DPCD: variants seen among roughly 807,000 people sequenced by gnomAD.
DPCD encodes the protein deleted in primary ciliary dyskinesia homolog (mouse), also known as protein DPCD.
In DPCD, 20 loss-of-function variants were observed where a neutral mutation model predicts 26.4. The ratio of observed to expected loss-of-function variants is 0.76; its 90% CI spans 0.53 to 1.10. The LOEUF (loss-of-function observed/expected upper bound fraction) is 1.10, where lower values mean the gene tolerates loss of function less well. Among genes scored for constraint, DPCD ranks in the 50% least tolerant of loss-of-function variants. The probability of loss-of-function intolerance (pLI) is 0.00; values close to 1 mark genes in which losing one functional copy is unlikely to be tolerated. For synonymous variants in DPCD, 97 were observed against 94.2 expected (o/e 1.03, Z -0.17); for missense variants, 202 against 253.9 (o/e 0.80, Z 1.39).
intron 4 of DPCD, among the ~76,000 whole-genome samples, chr10:101,607,485 G>A (rs1475121532): frequency 6.6e-6 from 1 of 152,210 alleles, no homozygotes; most frequent in African/African-American, 2.4e-5. Context: ...TTCTTTTCCT[G>A]CCATGGGTCC....
At position 101,598,739 on chromosome 10, in the gene DPCD, C is replaced by T. The variant is rs113989710; in HGVS notation, c.146-1999C>T. On this transcript the variant is annotated intron_variant, in intron 2 of 5. Transcript: ENST00000370151. ...TCCCAGGTTCAAGCGATTCTCCTGC[C>T]TCAGCCTCCCCAGTAGCTGGGACTA... Among the ~76,000 whole-genome samples, 180 of 151,700 alleles carry T rather than the reference C, an allele frequency of 1.2e-3. 1 individual carries two copies. The highest frequency in any genetic ancestry group is 4.3e-3 in the African/African-American group (178 of 41,372).
Position 101,600,158 on chromosome 10 carries a change from C to T in DPCD, c.146-580C>T, listed in dbSNP as rs957984763. Among the ~76,000 whole-genome samples the T allele has an allele frequency of 2.0e-5, 3 of 152,054 alleles. No individual in the cohort carries two copies. Among genetic ancestry groups the T allele is most frequent in the East Asian group, 1.9e-4 (1 of 5,200 alleles). On this transcript the variant is annotated intron_variant, in intron 2 of 5. Transcript: ENST00000370151. The surrounding 1 kb of genome is among the most constrained non-coding windows in gnomAD (Gnocchi z 4.7). ...GCATTTAAAATATGGCATGTGCCTA[C>T]GATTTTGTTTAAATGCAGCTTTGGA...
chr10:101,601,383 G>GTAGGGTGGGGTT (rs750621306), intron 4 of DPCD, 47 bp downstream of exon 4: 9 of 1,600,780 alleles, frequency 5.6e-6, no homozygotes, highest in South Asian at 1.1e-5. Flanking sequence ...TGAGCGGGGT[G>GTAGGGTGGGGTT]TAGGGTGGGG....
rs2063754932 is a variant in DPCD, at chr10:101,609,136, T to C, written c.507+199T>C. The C allele has an allele frequency of 6.2e-6, 4 of 641,302 alleles. No homozygotes were observed. In the Admixed American group the frequency reaches 8.5e-5, roughly 14 times the overall value. 39.7% of individuals were successfully genotyped at this position (641,302 alleles called of 1,614,324 possible). A position where few individuals can be genotyped will look rare whatever the true frequency, so the allele number is the denominator to read the frequency against. On this transcript the variant is annotated intron_variant, in intron 5 of 5. Transcript: ENST00000370151. ...GGAGCCTGACCATATAATTCACAGC[T>C]AGAAGAGGGTAGAGGGTGAAAGGGA...
intron 4 of DPCD, among the ~76,000 whole-genome samples, chr10:101,604,383 G>A (rs2063719687): frequency 1.3e-5 from 2 of 152,136 alleles, no homozygotes; most frequent in South Asian, 4.2e-4. Context: ...TCACCTGGAG[G>A]TTCCATAACC....
intron 4 of DPCD, among the ~76,000 whole-genome samples, chr10:101,604,628 AG>A (rs2134778573): frequency 6.6e-6 from 1 of 152,364 alleles, no homozygotes; most frequent in South Asian, 2.1e-4. Context: ...GTGCAGAAAG[AG>A]GGCTCCTAGC....
intron 4 of DPCD, among the ~76,000 whole-genome samples, chr10:101,601,993 T>A (rs2063701946): frequency 6.6e-6 from 1 of 152,124 alleles, no homozygotes; most frequent in African/African-American, 2.4e-5. Flanking sequence ...TGCATTTCCA[T>A]TTTGGAAATG....
Position 101,600,901 on chromosome 10 carries a change from TG to T in DPCD, c.270+44del. Reference sequence around the variant, plus strand: ...TCCAGGTGTCTTGCACGGACTGAGGTGGGGGTGGGCTGTGGGCTGCTGGCTC... The same window carrying T: ...TCCAGGTGTCTTGCACGGACTGAGGTGGGGTGGGCTGTGGGCTGCTGGCTC... On this transcript the variant is annotated intron_variant, in intron 3 of 5. Transcript: ENST00000370151. This position sits in a 1 kb window ranked among gnomAD's most constrained non-coding sequence, Gnocchi z 4.7. 6.2e-7 allele frequency: 1 copy of T among 1,611,788 alleles called. No individual in the cohort carries two copies. The highest frequency in any genetic ancestry group is 8.5e-7 in the Non-Finnish European group (1 of 1,179,130).
Position 101,609,574 on chromosome 10 carries a change from G to C in DPCD, c.*103G>C. On this transcript the variant is annotated 3_prime_UTR_variant, in exon 6 of 6. Coordinates refer to ENST00000370151, the MANE Select transcript of DPCD (RefSeq NM_015448.3). ...CCTCCTGTCTTCTAGGAGCTATCAAGGGTCTCTAAGAACTGGGCATGGGGC... is the reference window on the plus strand; with the variant it reads ...CCTCCTGTCTTCTAGGAGCTATCAACGGTCTCTAAGAACTGGGCATGGGGC... 2 of 994,060 alleles carry C rather than the reference G, an allele frequency of 2.0e-6. No individual in the cohort carries two copies. The highest frequency in any genetic ancestry group is 2.6e-5 in the East Asian group (1 of 39,192). The allele number at this position is 994,060 out of a possible 1,614,324, so 61.6% of individuals were successfully genotyped here.
At chr10:101,605,937 T>C (rs1291499251) in intron 4 of DPCD, among the ~76,000 whole-genome samples, 1 of 152,204 alleles carries the variant, frequency 6.6e-6, no homozygotes, top group African/African-American at 2.4e-5. Context: ...AAGTGGATAA[T>C]AGAAGTAACC....
intron 4 of DPCD, among the ~76,000 whole-genome samples, chr10:101,608,311 G>A (rs2063746926): frequency 6.6e-6 from 1 of 152,220 alleles, no homozygotes; most frequent in Non-Finnish European, 1.5e-5. Flanking sequence ...TACAAGGCCA[G>A]GCTAACAAGG....
At chr10:101,595,784 T>G (rs1003704662) in intron 2 of DPCD, among the ~76,000 whole-genome samples, 6 of 152,224 alleles carry the variant, frequency 3.9e-5, no homozygotes, top group African/African-American at 1.4e-4. Context: ...AAAATCTTGA[T>G]GTGTTTAGCA....
intron 1 of DPCD, 125 bp from the exon 2 acceptor site, chr10:101,594,533 G>A: frequency 1.2e-6 from 1 of 817,802 alleles, no homozygotes; most frequent in South Asian, 1.5e-5. Flanking sequence ...AGGAGTTTGG[G>A]GAGGTCCTGG....
intron 1 of DPCD, among the ~76,000 whole-genome samples, chr10:101,591,965 C>T (rs752477171): frequency 3.9e-5 from 6 of 152,080 alleles, no homozygotes; most frequent in South Asian, 2.1e-4. Flanking sequence ...AGATTACAGG[C>T]GTGAGCCGCC....
intron 4 of DPCD, 92 bp from the exon 5 acceptor site, chr10:101,608,743 G>A: frequency 1.2e-6 from 1 of 800,716 alleles, no homozygotes. Flanking sequence ...AGGTGTGGAA[G>A]AACTAGGTAG....
At position 101,594,653 on chromosome 10, in the gene DPCD, C is replaced by T; in HGVS notation, c.65-5C>T. The T allele has an allele frequency of 1.2e-6, 2 of 1,613,792 alleles. No individual in the cohort carries two copies. The highest frequency in any genetic ancestry group is 1.7e-6 in the Non-Finnish European group (2 of 1,179,758). ...GAGGTAAGGCATTCTCTGTTTTGTG[C>T]ATAGGGAGAAGGAAGGTTCACTATT... On this transcript the variant is annotated splice_region_variant and splice_polypyrimidine_tract_variant and intron_variant, in intron 1 of 5. Transcript: ENST00000370151.
chr10:101,591,784 C>T (rs773424598), intron 1 of DPCD, among the ~76,000 whole-genome samples: 3 of 151,966 alleles, frequency 2.0e-5, no homozygotes, highest in African/African-American at 4.8e-5. Flanking sequence ...TGGGTTCAAG[C>T]GATTCTCCTA....
Position 101,608,834 on chromosome 10 carries a change from G to T in DPCD, c.405-1G>T. ...CCAATGGCCTCTCGGTGTCCCCACA[G>T]GTACTACAAGAAGTTCTCCATTCCT... On this transcript the variant is annotated splice_acceptor_variant, in intron 4 of 5. Transcript: ENST00000370151. LOFTEE classifies it high-confidence loss of function. 3 of 1,611,456 alleles carry T rather than the reference G, an allele frequency of 1.9e-6. No homozygotes were observed. Among genetic ancestry groups the T allele is most frequent in the Non-Finnish European group, 2.5e-6 (3 of 1,178,094 alleles).
At position 101,600,517 on chromosome 10, in the gene DPCD, T is replaced by C. The variant is rs1412318665; in HGVS notation, c.146-221T>C. On this transcript the variant is annotated intron_variant, in intron 2 of 5. Transcript: ENST00000370151. The surrounding 1 kb of genome is among the most constrained non-coding windows in gnomAD (Gnocchi z 4.7). ...TGCCTGAGCACCCATGAGATGCGCT[T>C]TGAGGGTTGTCTAATGTTGAAATGC... Among the ~76,000 whole-genome samples the C allele has an allele frequency of 3.3e-5, 5 of 152,224 alleles. No homozygotes were observed. Among genetic ancestry groups the C allele is most frequent in the Admixed American group, 3.3e-4 (5 of 15,282 alleles).
Sources: allele counts gnomAD v4.1 joint callset (sites outside exome capture counted in the v4.1 genomes callset), GRCh38; gene constraint gnomAD v4.1.1; non-coding constraint Gnocchi (gnomAD v3.1); transcripts MANE v1.5; gene names NCBI Gene and HGNC (gene_info 2026-07-23, HGNC 2026-07-21).